Variants in IFT140 observed in about 807,000 individuals in gnomAD.
IFT140 encodes the protein intraflagellar transport protein 140 homolog.
IFT140 carries 133 observed loss-of-function variants against 164.6 expected under a neutral mutation model. The observed-to-expected ratio is 0.81, with a 90% confidence interval of 0.70 to 0.93. IFT140 has a LOEUF of 0.93. Ranked by LOEUF, IFT140 falls within the 40% of genes least tolerant of loss-of-function variation. The pLI is 0.00. For missense variants in IFT140, 2,045 were observed against 1,972.3 expected (o/e 1.04, Z -0.70); for synonymous variants, 860 against 817.3 (o/e 1.05, Z -0.89).
chr16:1,585,355 T>A (rs928984032), intron 10 of IFT140, among the ~76,000 whole-genome samples: 6 of 152,234 alleles, frequency 3.9e-5, no homozygotes, highest in East Asian at 1.9e-4. Flanking sequence ...CCATGAAACA[T>A]CCAGAATGGG....
At chr16:1,534,650 G>T in intron 19 of IFT140, 2 of 1,547,714 alleles carry the variant, frequency 1.3e-6, no homozygotes, top group East Asian at 2.2e-5. Flanking sequence ...GGGTGGGGAG[G>T]CCTGGCCCCT....
chr16:1,554,702 C>T (rs1329147261), intron 19 of IFT140: 11 of 1,574,338 alleles, frequency 7.0e-6, no homozygotes, highest in Non-Finnish European at 8.6e-6. Context: ...CTGGAACCTG[C>T]TCTAGGACAG....
chr16:1,597,999 G>C (rs753399823), intron 4 of IFT140, among the ~76,000 whole-genome samples: 28 of 152,182 alleles, frequency 1.8e-4, no homozygotes, highest in Non-Finnish European at 3.4e-4. Flanking sequence ...ATGTGGGATT[G>C]GCAGATGGTT....
Position 1,571,377 on chromosome 16 carries a change from T to C in IFT140, c.1652+30A>G, listed in dbSNP as rs1376197442. The C allele has an allele frequency of 3.7e-6, 6 of 1,604,928 alleles. No individual in the cohort carries two copies. The African/African-American group carries it at 4.0e-5, about 11-fold the overall frequency. Reference sequence around the variant, plus strand: ...TGTCTCCTGACTGACTAAAAAAATGTTCACACTTCTATTTGGAAAAAAAAT... The same window carrying C: ...TGTCTCCTGACTGACTAAAAAAATGCTCACACTTCTATTTGGAAAAAAAAT... On this transcript the variant is annotated intron_variant, in intron 14 of 30. Transcript: ENST00000426508.
At chr16:1,593,969 G>C (rs1420215542) in intron 4 of IFT140, among the ~76,000 whole-genome samples, 1 of 152,214 alleles carries the variant, frequency 6.6e-6, no homozygotes, top group African/African-American at 2.4e-5. Context: ...CAGCATGGGA[G>C]ACCTGCCTCT....
intron 21 of IFT140, 54 bp from the exon 22 acceptor site, chr16:1,525,380 A>C (rs2040657275): frequency 7.1e-7 from 1 of 1,417,432 alleles, no homozygotes; most frequent in African/African-American, 1.4e-5. Flanking sequence ...GCCCCACGGG[A>C]ACCGGGTGGG....
At chr16:1,588,090 G>A in intron 7 of IFT140, 66 bp from the exon 8 acceptor site, 1 of 1,363,374 alleles carries the variant, frequency 7.3e-7, no homozygotes, top group Non-Finnish European at 1.0e-6. Flanking sequence ...GGCTTCAGGA[G>A]CCTGGAGTCT....
chr16:1,605,487 G>C (rs2036010217), intron 3 of IFT140, among the ~76,000 whole-genome samples: 1 of 152,066 alleles, frequency 6.6e-6, no homozygotes, highest in Non-Finnish European at 1.5e-5. Context: ...CTCACAGCAA[G>C]CTCTGCCTCC....
intron 4 of IFT140, among the ~76,000 whole-genome samples, chr16:1,597,154 C>A (rs536705722): frequency 5.3e-5 from 8 of 152,072 alleles, no homozygotes; most frequent in Non-Finnish European, 1.0e-4. Context: ...CATCAGGGTG[C>A]GCGTCAGGTG....
intron 19 of IFT140, among the ~76,000 whole-genome samples, chr16:1,528,355 A>G (rs2029986633): frequency 1.5e-5 from 2 of 131,538 alleles, no homozygotes; most frequent in Non-Finnish European, 3.4e-5. Context: ...GCATGCACGC[A>G]CGTGTGCACA....
chr16:1,609,083 A>G (rs1448779287), intron 2 of IFT140, among the ~76,000 whole-genome samples: 1 of 151,976 alleles, frequency 6.6e-6, no homozygotes, highest in Non-Finnish European at 1.5e-5. Flanking sequence ...TGAATCCAGG[A>G]GGCGGAGGTT....
chr16:1,592,270 G>A lies in IFT140; in HGVS notation c.540C>T (p.Ala180=), dbSNP rs1204057459. 1.2e-6 allele frequency: 2 copies of A among 1,614,078 alleles called. No individual in the cohort carries two copies. Among genetic ancestry groups the A allele is most frequent in the African/African-American group, 1.3e-5 (1 of 74,998 alleles). Reference sequence around the variant, plus strand: ...TCTTCTTCCAGTTAAACATGTCCAGGGCTTTCTCATCACCGCTCACAGCTG... The same window carrying A: ...TCTTCTTCCAGTTAAACATGTCCAGAGCTTTCTCATCACCGCTCACAGCTG... ...AKAAVSGDEK[A]LDMFNWKKSS... The change falls in exon 6 of 31, where the codon GCC becomes GCT. Residue 180 remains alanine (A), a synonymous_variant. Transcript: ENST00000426508.
intron 9 of IFT140, among the ~76,000 whole-genome samples, chr16:1,586,670 G>A (rs1012861491): frequency 6.6e-6 from 1 of 152,128 alleles, no homozygotes; most frequent in Non-Finnish European, 1.5e-5. Flanking sequence ...TGTCCTTCCC[G>A]TGGCATTTCA....
At chr16:1,594,451 G>A (rs752102601) in intron 4 of IFT140, among the ~76,000 whole-genome samples, 9 of 152,034 alleles carry the variant, frequency 5.9e-5, no homozygotes, top group Non-Finnish European at 1.0e-4. Context: ...AAACTCCAGG[G>A]CTCAAGCAAT....
At position 1,553,674 on chromosome 16, in the gene IFT140, C is replaced by G. The variant is rs1481285724; in HGVS notation, c.2399+4261G>C. 1 of 1,069,594 alleles carries G rather than the reference C, an allele frequency of 9.3e-7. No individual in the cohort carries two copies. The highest frequency in any genetic ancestry group is 7.3e-5 in the East Asian group (1 of 13,770). 66.3% of individuals were successfully genotyped at this position (1,069,594 alleles called of 1,614,324 possible). A position where few individuals can be genotyped will look rare whatever the true frequency, so the allele number is the denominator to read the frequency against. ...GGGTGCTGGGTGGGCAGAAGCGGGG[C>G]TGGGGCTGAAGGCTGGCTGGAGGCC... On this transcript the variant is annotated intron_variant, in intron 19 of 30. Coordinates refer to ENST00000426508, the MANE Select transcript of IFT140 (RefSeq NM_014714.4). This position sits in a 1 kb window ranked among gnomAD's most constrained non-coding sequence, Gnocchi z 4.4.
chr16:1,530,472 C>T (rs1247708181), intron 19 of IFT140, among the ~76,000 whole-genome samples: 1 of 152,208 alleles, frequency 6.6e-6, no homozygotes, highest in Non-Finnish European at 1.5e-5. Flanking sequence ...TGTGCACACC[C>T]TCTCCCGAGG....
Position 1,519,997 on chromosome 16 carries a change from G to A in IFT140, c.3924C>T (p.Thr1308=), listed in dbSNP as rs773997219. Residue 1308 remains threonine, a synonymous_variant, in exon 29 of 31, where the codon ACC becomes ACT. Transcript: ENST00000426508. ...QNYDKAHGAL[T]EAYKCLAKAK... is the part of the protein sequence containing the mutation. The stretch of plus-strand genomic sequence containing the variant: ...CCTTGGCCAGGCACTTGTAGGCCTC[G>A]GTCAGCGCCCCGTGGGCTTTGTCGT... 37 of 1,605,156 alleles carry A rather than the reference G, an allele frequency of 2.3e-5. No homozygotes were observed. Among genetic ancestry groups the A allele is most frequent in the Non-Finnish European group, 2.8e-5 (33 of 1,176,370 alleles).
chr16:1,571,913 G>A (rs578185519), intron 13 of IFT140, among the ~76,000 whole-genome samples: 4 of 152,300 alleles, frequency 2.6e-5, no homozygotes, highest in South Asian at 2.1e-4. Context: ...GAGAGAGGGC[G>A]AATTCCATCC....
chr16:1,529,808 C>T (rs983271197), intron 19 of IFT140, among the ~76,000 whole-genome samples: 7 of 152,182 alleles, frequency 4.6e-5, no homozygotes, highest in South Asian at 4.1e-4. Flanking sequence ...TGCTGAGACA[C>T]GCCTCAAGAC....
Sources: gnomAD v4.1 joint callset for allele counts (sites outside exome capture counted in the v4.1 genomes callset) on GRCh38, gnomAD v4.1.1 for gene constraint, Gnocchi (gnomAD v3.1) non-coding constraint, MANE v1.5 for transcripts, NCBI Gene and HGNC (gene_info 2026-07-23, HGNC 2026-07-21) for gene names.